Variants in NADK2 observed in about 807,000 individuals in gnomAD.
The protein encoded by NADK2 is NAD kinase domain-containing protein 1, mitochondrial.
A neutral mutation model predicts 62.1 loss-of-function variants in NADK2; 35 were observed. The observed-to-expected ratio is 0.56, with a 90% CI of 0.43 to 0.75. The LOEUF is 0.75. Among genes scored for constraint, NADK2 ranks in the 30% least tolerant of loss-of-function variants. The pLI is 0.00. For missense variants in NADK2, 439 were observed against 561.3 expected, an observed-to-expected ratio of 0.78 and a Z score of 2.20; for synonymous variants, 205 against 207.9, an observed-to-expected ratio of 0.99 and a Z score of 0.12.
chr5:36,233,701 T>C (rs1033929817), intron 1 of NADK2, among the ~76,000 whole-genome samples: 13 of 152,188 alleles, frequency 8.5e-5, no homozygotes, highest in Non-Finnish European at 1.8e-4. Flanking sequence ...CATACAAGGC[T>C]AAATTCTTCC....
intron 1 of NADK2, among the ~76,000 whole-genome samples, chr5:36,234,943 T>C (rs894416743): frequency 1.3e-5 from 2 of 152,180 alleles, no homozygotes; most frequent in Non-Finnish European, 2.9e-5. Flanking sequence ...ATTTATAATA[T>C]AATGTAATAG....
chr5:36,221,369 C>T (rs1000347545), intron 4 of NADK2: 1 of 152,376 alleles, frequency 6.6e-6, no homozygotes, highest in African/African-American at 2.4e-5. Context: ...AAGCCAAAAC[C>T]ACCCAGCCAA....
chr5:36,201,747 G>C (rs2112073430), intron 8 of NADK2, among the ~76,000 whole-genome samples: 1 of 151,978 alleles, frequency 6.6e-6, no homozygotes, highest in African/African-American at 2.4e-5. Context: ...GCTTTTTGCT[G>C]TATACCCTTT....
chr5:36,217,605 T>A, intron 6 of NADK2, 143 bp downstream of exon 6: 4 of 847,970 alleles, frequency 4.7e-6, no homozygotes, highest in Non-Finnish European at 7.4e-6. Flanking sequence ...TAATAAACTT[T>A]ACAACTGAAG....
Position 36,195,106 on chromosome 5 carries a change from T to C in NADK2, c.*38A>G. On this transcript the variant is annotated 3_prime_UTR_variant, in exon 12 of 12. Transcript: ENST00000381937. ...GTAGTCTGTTTCTGAAGTAAAAATA[T>C]TCTCGCCAGTAATCAAAATTTGTCA... The C allele has an allele frequency of 6.3e-7, 1 of 1,579,276 alleles. No individual in the cohort carries two copies. Among genetic ancestry groups the C allele is most frequent in the Non-Finnish European group, 8.6e-7 (1 of 1,165,546 alleles).
Position 36,241,677 on chromosome 5 carries a change from C to G in NADK2, c.122G>C (p.Gly41Ala). 8.4e-7 allele frequency: 1 copy of G among 1,185,674 alleles called. No individual in the cohort carries two copies. Among genetic ancestry groups the G allele is most frequent in the Non-Finnish European group, 1.0e-6 (1 of 960,726 alleles). The allele number at this position is 1,185,674 out of a possible 1,614,324, so 73.4% of individuals were successfully genotyped here. A position where few individuals can be genotyped will look rare whatever the true frequency, so the allele number is the denominator to read the frequency against. ...CTGCCCCAGGTGCCGCCGGCCGCCA[C>G]CGTCACCGCCCAGCCGGGGCCGCGC... ...PAARPRLGGDGGGRRHLGQGQ... is the reference protein window; with the variant it reads ...PAARPRLGGDAGGRRHLGQGQ... The change falls in exon 1 of 12, where the codon GGT becomes GCT. Residue 41 changes from glycine (G) to alanine (A), a missense_variant. Coordinates refer to ENST00000381937, the MANE Select transcript of NADK2 (RefSeq NM_001085411.3). This position sits in a 1 kb window ranked among gnomAD's most constrained non-coding sequence, Gnocchi z 4.9.
At position 36,203,576 on chromosome 5, in the gene NADK2, G is replaced by A. The variant is rs1579601022; in HGVS notation, c.957-2415C>T. On this transcript the variant is annotated intron_variant, in intron 8 of 11. Transcript: ENST00000381937. ...TTATACTAGAGCACAGGAAATAATA[G>A]AAGACTTTAACAAGCAACATAGAGA... Among the ~76,000 whole-genome samples the A allele has an allele frequency of 3.3e-5, 5 of 152,128 alleles. No homozygotes were observed. The South Asian group carries it at 1.0e-3, about 32-fold the overall frequency.
At chr5:36,239,909 G>C (rs1256383777) in intron 1 of NADK2, among the ~76,000 whole-genome samples, 1 of 152,192 alleles carries the variant, frequency 6.6e-6, no homozygotes, top group South Asian at 2.1e-4. Context: ...CCAGGGCCTA[G>C]AACTGAGCTC....
chr5:36,208,228 T>C (rs1054940961), intron 7 of NADK2, among the ~76,000 whole-genome samples: 31 of 152,124 alleles, frequency 2.0e-4, no homozygotes, highest in African/African-American at 7.2e-4. Context: ...ATAATACAAC[T>C]CCTTTTCACT....
upstream of NADK2, chr5:36,241,963 C>G (rs1748159239): frequency 2.1e-6 from 1 of 471,144 alleles, no homozygotes; most frequent in African/African-American, 2.1e-5. This position sits in a 1 kb window ranked among gnomAD's most constrained non-coding sequence, Gnocchi z 4.9. Flanking sequence ...GGGGACGTAC[C>G]CAGGCGTTGA....
intron 8 of NADK2, among the ~76,000 whole-genome samples, chr5:36,203,191 T>C (rs546198685): frequency 6.6e-6 from 1 of 152,248 alleles, no homozygotes; most frequent in African/African-American, 2.4e-5. Context: ...TGGATTCTAC[T>C]TATGAAAATA....
Position 36,220,722 on chromosome 5 carries a change from T to C in NADK2, c.561-1043A>G, listed in dbSNP as rs142103762. 3.6e-3 allele frequency among the ~76,000 whole-genome samples: 550 copies of C among 152,324 alleles called. 4 individuals are homozygous for C. Among genetic ancestry groups the C allele is most frequent in the African/African-American group, 0.013 (528 of 41,574 alleles). ...AGGTCAACTGCAAGTCTAAAACCCTTGCAGAGAGAAGACTTTCTCATGAGG... is the reference window on the plus strand; with the variant it reads ...AGGTCAACTGCAAGTCTAAAACCCTCGCAGAGAGAAGACTTTCTCATGAGG... On this transcript the variant is annotated intron_variant, in intron 4 of 11. Coordinates refer to ENST00000381937, the MANE Select transcript of NADK2 (RefSeq NM_001085411.3).
intron 8 of NADK2, among the ~76,000 whole-genome samples, chr5:36,201,937 GT>G (rs1746464369): frequency 6.6e-6 from 1 of 151,808 alleles, no homozygotes; most frequent in Non-Finnish European, 1.5e-5. Context: ...AGAAAAGGTT[GT>G]TTTTTTAAAA....
chr5:36,208,839 C>T (rs1746737712), intron 7 of NADK2: 1 of 604,368 alleles, frequency 1.7e-6, no homozygotes, highest in African/African-American at 1.9e-5. Context: ...CATAGTGAAG[C>T]CTCAATACAG....
chr5:36,234,046 AT>A (rs1459713642), intron 1 of NADK2, among the ~76,000 whole-genome samples: 9 of 152,182 alleles, frequency 5.9e-5, no homozygotes, highest in African/African-American at 2.2e-4. Flanking sequence ...GACTAACCTA[AT>A]TATCCAAACA....
At chr5:36,203,810 A>C (rs1320170133) in intron 8 of NADK2, among the ~76,000 whole-genome samples, 1 of 152,122 alleles carries the variant, frequency 6.6e-6, no homozygotes, top group East Asian at 1.9e-4. Flanking sequence ...CTCTAGCAGA[A>C]GCACTACTTC....
At chr5:36,231,141 T>C (rs1747694137) in intron 1 of NADK2, among the ~76,000 whole-genome samples, 1 of 152,194 alleles carries the variant, frequency 6.6e-6, no homozygotes, top group South Asian at 2.1e-4. Context: ...GAAACTTTTA[T>C]GCTTACTTCC....
chr5:36,206,109 C>T (rs1363062713), intron 8 of NADK2, among the ~76,000 whole-genome samples: 2 of 152,030 alleles, frequency 1.3e-5, no homozygotes, highest in East Asian at 1.9e-4. Flanking sequence ...CACATGGACA[C>T]AGGGAGGGGA....
At chr5:36,216,696 C>G (rs1039758486) in intron 6 of NADK2, among the ~76,000 whole-genome samples, 3 of 152,010 alleles carry the variant, frequency 2.0e-5, no homozygotes, top group Admixed American at 2.0e-4. Context: ...CACAGTGAAT[C>G]TGAGGAATCT....
Sources: allele counts gnomAD v4.1 joint callset (sites outside exome capture counted in the v4.1 genomes callset), GRCh38; gene constraint gnomAD v4.1.1; non-coding constraint Gnocchi (gnomAD v3.1); transcripts MANE v1.5; gene names NCBI Gene and HGNC (gene_info 2026-07-23, HGNC 2026-07-21).